PLPP1: variants seen among roughly 807,000 people sequenced by gnomAD.
PLPP1 encodes phospholipid phosphatase 1, also known as lipid phosphate phosphohydrolase 1a.
A neutral mutation model predicts 31.2 loss-of-function variants in PLPP1; 24 were observed. The observed-to-expected ratio is 0.77, with a 90% CI of 0.56 to 1.08. The LOEUF (loss-of-function observed/expected upper bound fraction) is 1.08. Among genes scored for constraint, PLPP1 ranks in the 50% least tolerant of loss-of-function variants. The pLI is 0.00. For missense variants in PLPP1, 319 were observed against 342.7 expected (o/e 0.93, Z 0.55); for synonymous variants, 146 against 126.3 (o/e 1.16, Z -1.05).
chr5:55,507,012 G>A (rs1392828992), intron 1 of PLPP1, among the ~76,000 whole-genome samples: 1 of 152,156 alleles, frequency 6.6e-6, no homozygotes, highest in Non-Finnish European at 1.5e-5. Context: ...GGAAACAGGT[G>A]TTGCAAATTC....
intron 3 of PLPP1, among the ~76,000 whole-genome samples, chr5:55,462,039 A>G (rs551438512): frequency 1.3e-5 from 2 of 152,192 alleles, no homozygotes; most frequent in Non-Finnish European, 2.9e-5. Context: ...ATGAGAAACT[A>G]AAGAAAACCT....
At chr5:55,446,827 T>C (rs1751775789) in intron 3 of PLPP1, among the ~76,000 whole-genome samples, 1 of 152,228 alleles carries the variant, frequency 6.6e-6, no homozygotes, top group African/African-American at 2.4e-5. Flanking sequence ...GCTGCCACTC[T>C]TCGGGAGTTC....
chr5:55,462,285 T>G (rs185801854), intron 3 of PLPP1, among the ~76,000 whole-genome samples: 9 of 152,362 alleles, frequency 5.9e-5, no homozygotes, highest in African/African-American at 2.2e-4. Context: ...GGTATTCGCA[T>G]GAGAGGCATA....
At chr5:55,427,855 G>A (rs557700466) in intron 4 of PLPP1, among the ~76,000 whole-genome samples, 107 of 151,984 alleles carry the variant, frequency 7.0e-4, no homozygotes, top group Middle Eastern at 3.4e-3. Context: ...GTGCGATCTC[G>A]GCTCACTGCA....
chr5:55,479,403 G>C (rs935696397), intron 1 of PLPP1, among the ~76,000 whole-genome samples: 1 of 152,194 alleles, frequency 6.6e-6, no homozygotes, highest in Non-Finnish European at 1.5e-5. Flanking sequence ...ACAGACCCCT[G>C]GAAGGGGATG....
intron 1 of PLPP1, among the ~76,000 whole-genome samples, chr5:55,491,744 G>A (rs1579961220): frequency 6.6e-6 from 1 of 151,388 alleles, no homozygotes; most frequent in East Asian, 1.9e-4. Flanking sequence ...TGTAGTCCCA[G>A]CTACTGGGCA....
At position 55,438,899 on chromosome 5, in the gene PLPP1, T is replaced by TA. The variant is rs879769388; in HGVS notation, c.549+2951dup. Among the ~76,000 whole-genome samples the TA allele has an allele frequency of 7.1e-3, 947 of 133,398 alleles. 3 individuals carry two copies. Among genetic ancestry groups the TA allele is most frequent in the African/African-American group, 0.02 (723 of 36,162 alleles). The allele number at this position is 133,398 out of a possible 152,430, so 87.5% of individuals were successfully genotyped here. A position where few individuals can be genotyped will look rare whatever the true frequency, so the allele number is the denominator to read the frequency against. On this transcript the variant is annotated intron_variant, in intron 4 of 5. Transcript: ENST00000307259. ...CTGGGTGAGAGAGCAAGACTCCGTC[T>TA]AAAAAAAAAAAAAAAAGTTGTACAT... is the stretch of plus-strand genomic sequence containing the variant.
At chr5:55,475,014 T>C (rs895027732) in intron 2 of PLPP1, among the ~76,000 whole-genome samples, 1 of 152,096 alleles carries the variant, frequency 6.6e-6, no homozygotes, top group African/African-American at 2.4e-5. Context: ...GATCATCACA[T>C]ATTATAGTAT....
intron 1 of PLPP1, among the ~76,000 whole-genome samples, chr5:55,512,926 T>G (rs1008895948): frequency 2.6e-5 from 4 of 152,232 alleles, no homozygotes; most frequent in African/African-American, 9.6e-5. Context: ...CAAGGCAGGA[T>G]AGTGAATCAA....
intron 1 of PLPP1, among the ~76,000 whole-genome samples, chr5:55,490,197 C>T (rs1561243896): frequency 7.8e-6 from 1 of 128,860 alleles, no homozygotes; most frequent in Non-Finnish European, 1.5e-5. Context: ...GTTGCCCAGG[C>T]TGGAGTGCAA....
At chr5:55,516,842 C>T (rs6882642) in intron 1 of PLPP1, among the ~76,000 whole-genome samples, 119,542 of 152,174 alleles carry the variant, frequency 0.79, 47,883 homozygotes, top group Middle Eastern at 0.88. Flanking sequence ...AAGAATCATC[C>T]TAGCATTCTA....
At chr5:55,437,253 G>A (rs181257257) in intron 4 of PLPP1, among the ~76,000 whole-genome samples, 4 of 152,164 alleles carry the variant, frequency 2.6e-5, no homozygotes, top group African/African-American at 7.2e-5. Context: ...ATAAATAATC[G>A]TTGAACGAGA....
chr5:55,465,137 G>C (rs1752260044), intron 3 of PLPP1, among the ~76,000 whole-genome samples: 1 of 151,636 alleles, frequency 6.6e-6, no homozygotes, highest in African/African-American at 2.4e-5. Flanking sequence ...TCTGCCTCCG[G>C]GGTTCAAGCG....
intron 2 of PLPP1, among the ~76,000 whole-genome samples, chr5:55,470,769 T>C (rs963120786): frequency 6.6e-6 from 1 of 152,232 alleles, no homozygotes; most frequent in Non-Finnish European, 1.5e-5. Flanking sequence ...TAACCTTTCA[T>C]GAAGTTTACA....
intron 4 of PLPP1, among the ~76,000 whole-genome samples, chr5:55,429,811 A>G (rs941833792): frequency 6.6e-6 from 1 of 152,052 alleles, no homozygotes; most frequent in African/African-American, 2.4e-5. Context: ...TGCATTGTCA[A>G]GCCTGATTAC....
chr5:55,448,472 G>C (rs1410641234), intron 3 of PLPP1, among the ~76,000 whole-genome samples: 6 of 107,422 alleles, frequency 5.6e-5, no homozygotes, highest in African/African-American at 1.7e-4. Context: ...TTTTTTGACA[G>C]AGTCTTGCTC....
intron 3 of PLPP1, among the ~76,000 whole-genome samples, chr5:55,457,294 C>T (rs1160605019): frequency 1.3e-5 from 2 of 151,932 alleles, no homozygotes; most frequent in Non-Finnish European, 1.5e-5. Context: ...TGTAAGCGGA[C>T]ACTTGCATAT....
At chr5:55,442,156 A>T (rs1043729061) in intron 3 of PLPP1, among the ~76,000 whole-genome samples, 1 of 152,236 alleles carries the variant, frequency 6.6e-6, no homozygotes, top group Non-Finnish European at 1.5e-5. Flanking sequence ...TCATGAAAAT[A>T]AACTTGCCAA....
intron 1 of PLPP1, among the ~76,000 whole-genome samples, chr5:55,510,116 A>G (rs941190639): frequency 6.6e-6 from 1 of 151,850 alleles, no homozygotes; most frequent in Non-Finnish European, 1.5e-5. Context: ...TCTTTGCCAA[A>G]AAACATTCTG....
Sources: allele counts gnomAD v4.1 joint callset (sites outside exome capture counted in the v4.1 genomes callset), GRCh38; gene constraint gnomAD v4.1.1; transcripts MANE v1.5; gene names NCBI Gene and HGNC (gene_info 2026-07-23, HGNC 2026-07-21).